SLC27A1: variants seen among roughly 807,000 people sequenced by gnomAD.
SLC27A1 encodes solute carrier family 27 member 1.
SLC27A1 carries 61 observed loss-of-function variants against 62.2 expected under a neutral mutation model. The observed-to-expected ratio is 0.98, with a 90% CI of 0.80 to 1.21. The LOEUF (loss-of-function observed/expected upper bound fraction) is 1.21. Among genes scored for constraint, SLC27A1 ranks in the 50% most tolerant of loss-of-function variants. The pLI, the probability that SLC27A1 is intolerant of heterozygous loss-of-function variation, is 0.00. For missense variants in SLC27A1, 903 were observed against 932.1 expected (o/e 0.97, Z 0.41); for synonymous variants, 435 against 408.6 (o/e 1.06, Z -0.78).
At chr19:17,502,119 A>C (rs553613688) in intron 11 of SLC27A1, among the ~76,000 whole-genome samples, 1 of 151,844 alleles carries the variant, frequency 6.6e-6, no homozygotes, top group South Asian at 2.1e-4. Flanking sequence ...ATGTCTCAAA[A>C]TAATAATAAT....
chr19:17,481,539 C>T (rs2144561469), intron 1 of SLC27A1, among the ~76,000 whole-genome samples: 1 of 151,886 alleles, frequency 6.6e-6, no homozygotes, highest in East Asian at 1.9e-4. Flanking sequence ...GTCTCACTCC[C>T]ATAACCTAGG....
At chr19:17,493,074 G>T (rs2075310675) in intron 6 of SLC27A1, among the ~76,000 whole-genome samples, 1 of 150,586 alleles carries the variant, frequency 6.6e-6, no homozygotes, top group African/African-American at 2.4e-5. Context: ...AGTGAGCTGA[G>T]ACTGTGCCAC....
intron 1 of SLC27A1, among the ~76,000 whole-genome samples, chr19:17,476,291 T>C (rs2075121329): frequency 6.6e-6 from 1 of 152,092 alleles, no homozygotes; most frequent in Non-Finnish European, 1.5e-5. Context: ...ATCCCAGCAC[T>C]TTGGGAGGCT....
At chr19:17,492,616 CAAAAAAAA>C (rs35790162) in intron 6 of SLC27A1, among the ~76,000 whole-genome samples, 5 of 70,638 alleles carry the variant, frequency 7.1e-5, no homozygotes, top group Non-Finnish European at 9.9e-5. Flanking sequence ...GACTCCATCT[CAAAAAAAA>C]AAAAAAAAAA....
intron 1 of SLC27A1, among the ~76,000 whole-genome samples, chr19:17,474,627 C>CTTT (rs780611616): frequency 5.3e-5 from 7 of 131,412 alleles, no homozygotes; most frequent in Non-Finnish European, 8.3e-5. Context: ...TGACCCCTTT[C>CTTT]TTTTTTTTTT....
rs552185453 is a variant in SLC27A1 at position 17,504,884 on chromosome 19, TTTTCTTTC to T, written c.*284_*291del. 3 of 637,236 alleles carry T rather than the reference TTTTCTTTC, an allele frequency of 4.7e-6. No homozygotes were observed. Among genetic ancestry groups the T allele is most frequent in the Admixed American group, 2.1e-5 (1 of 47,200 alleles). 39.5% of individuals were successfully genotyped at this position (637,236 alleles called of 1,614,324 possible). A position where few individuals can be genotyped will look rare whatever the true frequency, so the allele number is the denominator to read the frequency against. ...TGGCCTTAACTCTTCCCTCTTTTTC[TTTTCTTTC>T]TTTCTTTCTTTTTTTTTTAAGATAG... On this transcript the variant is annotated 3_prime_UTR_variant, in exon 12 of 12. Coordinates refer to ENST00000252595, the MANE Select transcript of SLC27A1 (RefSeq NM_198580.3).
chr19:17,468,806 G>A (rs2075047570), upstream of SLC27A1: 2 of 153,578 alleles, frequency 1.3e-5, no homozygotes, highest in Admixed American at 1.3e-4. Context: ...CAGAAAACAA[G>A]CAGTGGTGGA....
intron 11 of SLC27A1, 79 bp from the exon 12 acceptor site, chr19:17,504,376 G>A (rs898393489): frequency 4.9e-5 from 76 of 1,545,766 alleles, no homozygotes; most frequent in Non-Finnish European, 5.9e-5. Context: ...AAGGTCCAGA[G>A]GTGCAGGAGA....
chr19:17,505,158 T>G lies in SLC27A1; in HGVS notation c.*546T>G, dbSNP rs1360117687. 1 of 340,206 alleles carries G rather than the reference T, an allele frequency of 2.9e-6. No homozygotes were observed. Among genetic ancestry groups the G allele is most frequent in the Non-Finnish European group, 5.7e-6 (1 of 174,274 alleles). The allele number at this position is 340,206 out of a possible 1,614,324, so 21.1% of individuals were successfully genotyped here. A position where few individuals can be genotyped will look rare whatever the true frequency, so the allele number is the denominator to read the frequency against. On this transcript the variant is annotated 3_prime_UTR_variant, in exon 12 of 12. Coordinates refer to ENST00000252595, the MANE Select transcript of SLC27A1 (RefSeq NM_198580.3). ...ATCCGCTGGCCTCGGCCTCCCAGAG[T>G]GCTGGGATTATAGGCGTGAGCCTCT...
upstream of SLC27A1, chr19:17,470,467 C>G (rs962773207): frequency 3.0e-6 from 4 of 1,347,474 alleles, no homozygotes; most frequent in African/African-American, 1.8e-5. Context: ...GAGGCGGGGG[C>G]GGTCGTGGGG....
chr19:17,496,763 G>A, intron 6 of SLC27A1: 1 of 155,712 alleles, frequency 6.4e-6, no homozygotes, highest in Non-Finnish European at 1.4e-5. Flanking sequence ...GATAGAAGTT[G>A]CATCCGGCCA....
intron 6 of SLC27A1, among the ~76,000 whole-genome samples, chr19:17,490,354 A>G (rs2075282330): frequency 6.6e-6 from 1 of 151,884 alleles, no homozygotes; most frequent in African/African-American, 2.4e-5. Flanking sequence ...AGGTTTCGCC[A>G]TGTTGCCCAG....
rs1247412248 is a variant in SLC27A1 at position 17,489,097 on chromosome 19, T to A, written c.976T>A (p.Cys326Ser). Residue 326 changes from cysteine (C) to serine (S), a missense_variant, in exon 6 of 12, where the codon TGC (cysteine) becomes AGC (serine). Transcript: ENST00000252595. ...CTCGGCCAGCCGCTTCTGGGACGACTGCATCAAGTACAACTGCACGGTCAG... is the reference window on the plus strand; with the variant it reads ...CTCGGCCAGCCGCTTCTGGGACGACAGCATCAAGTACAACTGCACGGTCAG... ...KFSASRFWDD[C>S]IKYNCTVVQY... 6 of 1,614,002 alleles carry A rather than the reference T, an allele frequency of 3.7e-6. No individual in the cohort carries two copies. Among genetic ancestry groups the A allele is most frequent in the Non-Finnish European group, 5.1e-6 (6 of 1,180,004 alleles).
intron 1 of SLC27A1, among the ~76,000 whole-genome samples, chr19:17,471,697 G>A (rs1034193421): frequency 9.2e-5 from 14 of 152,074 alleles, no homozygotes; most frequent in African/African-American, 3.4e-4. Flanking sequence ...GGGCACAGAG[G>A]GTGTGGAGAT....
upstream of SLC27A1, chr19:17,470,343 T>G (rs964751412): frequency 5.0e-6 from 3 of 597,184 alleles, no homozygotes; most frequent in African/African-American, 2.0e-5. Context: ...AAAGGGGCGA[T>G]GCCTGGCCTG....
intron 1 of SLC27A1, among the ~76,000 whole-genome samples, chr19:17,481,308 A>C (rs113213558): frequency 0.033 from 4,521 of 136,044 alleles, 240 homozygotes; most frequent in African/African-American, 0.12. Flanking sequence ...CACATGGTTT[A>C]GTTCCTTTTT....
chr19:17,501,132 T>C, intron 10 of SLC27A1, 141 bp from the exon 11 acceptor site: 1 of 1,298,178 alleles, frequency 7.7e-7, no homozygotes, highest in Admixed American at 2.4e-5. Context: ...CCACAAAATG[T>C]GTGGCTGCTT....
chr19:17,472,979 A>G (rs528480661), intron 1 of SLC27A1, among the ~76,000 whole-genome samples: 6 of 152,184 alleles, frequency 3.9e-5, no homozygotes, highest in Admixed American at 2.0e-4. Context: ...AATGTTTTTT[A>G]TAGAGATGAG....
At chr19:17,493,042 G>C (rs1169834281) in intron 6 of SLC27A1, among the ~76,000 whole-genome samples, 3 of 151,456 alleles carry the variant, frequency 2.0e-5, no homozygotes, top group Non-Finnish European at 4.4e-5. Flanking sequence ...AGAATCCTGT[G>C]AACCCAGGAG....
Sources: gnomAD v4.1 joint callset for allele counts (sites outside exome capture counted in the v4.1 genomes callset) on GRCh38, gnomAD v4.1.1 for gene constraint, MANE v1.5 for transcripts, NCBI Gene and HGNC (gene_info 2026-07-23, HGNC 2026-07-21) for gene names.